DNAAF1: variants seen among roughly 807,000 people sequenced by gnomAD.
DNAAF1 encodes dynein assembly factor 1, axonemal.
Under a neutral mutation model 71.1 loss-of-function variants are expected in DNAAF1, and 65 were observed. The observed-to-expected ratio is 0.91, with a 90% CI of 0.75 to 1.12. DNAAF1 has a LOEUF of 1.12. Among genes scored for constraint, DNAAF1 ranks in the 50% most tolerant of loss-of-function variants. The pLI, the probability that DNAAF1 is intolerant of heterozygous loss-of-function variation, is 0.00. For missense variants in DNAAF1, 1,178 were observed against 899.8 expected, an observed-to-expected ratio of 1.31 and a Z score of -3.96; for synonymous variants, 414 against 354.6, an observed-to-expected ratio of 1.17 and a Z score of -1.88.
intron 1 of DNAAF1, among the ~76,000 whole-genome samples, chr16:84,148,771 G>GT: frequency 6.6e-6 from 1 of 150,582 alleles, no homozygotes; most frequent in East Asian, 2.0e-4. Flanking sequence ...GCTAATTTTT[G>GT]TAGAGATGGG....
chr16:84,146,822 T>C (rs1567531403), intron 1 of DNAAF1, among the ~76,000 whole-genome samples: 1 of 152,340 alleles, frequency 6.6e-6, no homozygotes. Flanking sequence ...GGAAACCTTT[T>C]AGTGATTACA....
intron 9 of DNAAF1, chr16:84,172,624 T>C (rs1398488192): frequency 1.5e-6 from 2 of 1,338,794 alleles, no homozygotes; most frequent in African/African-American, 1.5e-5. Flanking sequence ...TGGGGAGCCC[T>C]GACCCAAATC....
intron 7 of DNAAF1, among the ~76,000 whole-genome samples, chr16:84,168,827 T>TACACAC (rs55903132): frequency 0.049 from 7,207 of 145,876 alleles, 404 homozygotes; most frequent in African/African-American, 0.13. Context: ...ATTTGCCACA[T>TACACAC]ACACACACAC....
At chr16:84,177,419 G>A (rs573523721) in intron 11 of DNAAF1, 57 of 369,606 alleles carry the variant, frequency 1.5e-4, no homozygotes, top group African/African-American at 1.1e-3. Context: ...GGGATTACAG[G>A]CACCCGTCAA....
chr16:84,177,325 G>A (rs1179268659), intron 11 of DNAAF1: 4 of 338,798 alleles, frequency 1.2e-5, no homozygotes, highest in Non-Finnish European at 2.3e-5. Flanking sequence ...GCCTAGGCTG[G>A]AATGCAGTCA....
rs371065429 is a variant in DNAAF1, at chr16:84,154,619, G to A, written c.395G>A (p.Arg132His). The A allele has an allele frequency of 2.5e-6, 4 of 1,614,156 alleles. No homozygotes were observed. Among genetic ancestry groups the A allele is most frequent in the Non-Finnish European group, 2.5e-6 (3 of 1,180,038 alleles). Residue 132 changes from arginine to histidine, a missense_variant, in exon 4 of 12, where the codon CGC (arginine) becomes CAC (histidine). Physicochemically the swap from Arg to His is conservative, Grantham distance 29. Transcript: ENST00000378553. Reference sequence around the variant, plus strand: ...AACCTGGAAGAGTACACAGGGCTGCGCTGTCTCTGGCTGCAGAGCAATGGA... The same window carrying A: ...AACCTGGAAGAGTACACAGGGCTGCACTGTCTCTGGCTGCAGAGCAATGGA... ...IENLEEYTGL[R>H]CLWLQSNGIQ...
At position 84,176,838 on chromosome 16, in the gene DNAAF1, G is replaced by A. The variant is rs62049867; in HGVS notation, c.2065+539G>A. 8.6e-3 allele frequency: 1,533 copies of A among 178,452 alleles called. 18 individuals carry two copies. The highest frequency in any genetic ancestry group is 0.025 in the Middle Eastern group (9 of 362). The allele number at this position is 178,452 out of a possible 1,614,324, so 11.1% of individuals were successfully genotyped here. ...GGGCAAAGGGGCACCAGGCAGGGACGGCAGCCAGAGGCCTGGCTGCAGAAG... is the reference window on the plus strand; with the variant it reads ...GGGCAAAGGGGCACCAGGCAGGGACAGCAGCCAGAGGCCTGGCTGCAGAAG... On this transcript the variant is annotated intron_variant, in intron 11 of 11. Transcript: ENST00000378553.
intron 7 of DNAAF1, among the ~76,000 whole-genome samples, chr16:84,168,683 G>A (rs4782897): frequency 0.42 from 64,049 of 151,900 alleles, 13,472 homozygotes; most frequent in African/African-American, 0.43. Flanking sequence ...TTTTCTTACT[G>A]CATATATTGT....
At position 84,177,712 on chromosome 16, in the gene DNAAF1, C is replaced by T. The variant is rs920466647; in HGVS notation, c.2066-17C>T. 1 of 1,606,728 alleles carries T rather than the reference C, an allele frequency of 6.2e-7. No individual in the cohort carries two copies. Among genetic ancestry groups the T allele is most frequent in the Non-Finnish European group, 8.5e-7 (1 of 1,173,786 alleles). ...ACAGTGACAGGGAGAAAGCACAGGT[C>T]ACCCTTCCTTCCACAGTGCCGACTG... On this transcript the variant is annotated splice_polypyrimidine_tract_variant and intron_variant, in intron 11 of 11. Coordinates refer to ENST00000378553, the MANE Select transcript of DNAAF1 (RefSeq NM_178452.6).
intron 6 of DNAAF1, among the ~76,000 whole-genome samples, chr16:84,161,646 G>C (rs185251646): frequency 6.6e-6 from 1 of 151,878 alleles, no homozygotes; most frequent in Non-Finnish European, 1.5e-5. Context: ...GGCTCCGAAA[G>C]CCTCACAGGC....
intron 5 of DNAAF1, among the ~76,000 whole-genome samples, chr16:84,156,304 G>C (rs1440370032): frequency 6.6e-6 from 1 of 152,190 alleles, no homozygotes; most frequent in Non-Finnish European, 1.5e-5. Context: ...TCCTCTGTCT[G>C]GTGTTACCCA....
chr16:84,149,991 C>G (rs1036837802), intron 2 of DNAAF1, among the ~76,000 whole-genome samples: 2 of 151,632 alleles, frequency 1.3e-5, no homozygotes, highest in African/African-American at 4.9e-5. Flanking sequence ...TGCCATTGCA[C>G]TCCAGCCTGG....
At chr16:84,151,946 T>C (rs1227885772) in intron 3 of DNAAF1, among the ~76,000 whole-genome samples, 3 of 152,178 alleles carry the variant, frequency 2.0e-5, no homozygotes. Flanking sequence ...ATCACTCCAT[T>C]GTATGCTGTT....
At chr16:84,148,303 AC>A (rs767020257) in intron 1 of DNAAF1, among the ~76,000 whole-genome samples, 10 of 152,154 alleles carry the variant, frequency 6.6e-5, no homozygotes, top group Admixed American at 5.2e-4. Context: ...CACTCCATAT[AC>A]GTTTCTGAGA....
intron 5 of DNAAF1, 74 bp downstream of exon 5, chr16:84,155,823 T>A (rs1436117106): frequency 6.4e-7 from 1 of 1,560,932 alleles, no homozygotes; most frequent in East Asian, 2.3e-5. Flanking sequence ...AAATATCAAG[T>A]CCTTTTGTCT....
At chr16:84,165,533 ATTT>A (rs1168221941) in intron 6 of DNAAF1, among the ~76,000 whole-genome samples, 1 of 152,038 alleles carries the variant, frequency 6.6e-6, no homozygotes, top group East Asian at 1.9e-4. Context: ...CATGACAAAA[ATTT>A]TTAATTTTGA....
chr16:84,174,608 TA>T, intron 9 of DNAAF1, 60 bp from the exon 10 acceptor site: 1 of 1,613,822 alleles, frequency 6.2e-7, no homozygotes, highest in South Asian at 1.1e-5. Flanking sequence ...TTATCGTGCC[TA>T]TCAGAACGTT....
intron 7 of DNAAF1, among the ~76,000 whole-genome samples, chr16:84,168,585 C>T (rs2088147018): frequency 6.6e-6 from 1 of 152,018 alleles, no homozygotes; most frequent in African/African-American, 2.4e-5. Context: ...GCCACACATA[C>T]ATTTTTATAT....
At chr16:84,163,875 T>TG (rs59526916) in intron 6 of DNAAF1, among the ~76,000 whole-genome samples, 162 of 149,594 alleles carry the variant, frequency 1.1e-3, no homozygotes, top group African/African-American at 3.9e-3. Context: ...TTTTTTTTTG[T>TG]GGGGGACAGC....
Sources: gnomAD v4.1 joint callset for allele counts (sites outside exome capture counted in the v4.1 genomes callset) on GRCh38, gnomAD v4.1.1 for gene constraint, MANE v1.5 for transcripts, NCBI Gene and HGNC (gene_info 2026-07-23, HGNC 2026-07-21) for gene names.